Variants in STAB1 observed in about 807,000 individuals in gnomAD.
The protein encoded by STAB1 is stabilin 1.
A neutral mutation model predicts 332.4 loss-of-function variants in STAB1; 250 were observed. The observed-to-expected ratio is 0.75, with a 90% CI of 0.68 to 0.84. STAB1 has a LOEUF of 0.84. Ranked by LOEUF, STAB1 falls within the 40% of genes least tolerant of loss-of-function variation. The probability of loss-of-function intolerance (pLI) is 0.00; values close to 1 mark genes in which losing one functional copy is unlikely to be tolerated. For synonymous variants in STAB1, 1,475 were observed against 1,390.4 expected, an observed-to-expected ratio of 1.06 and a Z score of -1.35; for missense variants, 3,249 against 3,489.7, an observed-to-expected ratio of 0.93 and a Z score of 1.74.
In STAB1 at chr3:52,518,843, C is replaced by T. The variant is rs1317603178; in HGVS notation, c.5008C>T (p.His1670Tyr). 1 of 1,605,020 alleles carries T rather than the reference C, an allele frequency of 6.2e-7. No homozygotes were observed. The highest frequency in any genetic ancestry group is 1.3e-5 in the African/African-American group (1 of 74,790). Residue 1670 changes from histidine to tyrosine, a missense_variant, in exon 48 of 69, where the codon CAC (histidine) becomes TAC (tyrosine). Transcript: ENST00000321725. Reference protein sequence around the residue: ...EQGYATALSGHPLRFSEREGS... With the variant: ...EQGYATALSGYPLRFSEREGS... ...GGGGTACGCCACGGCCCTCTCAGGG[C>T]ACCCACTGCGCTTCAGCGAGAGGGA...
Position 52,511,658 on chromosome 3 carries a change from C to T in STAB1, c.2796C>T (p.Cys932=). The part of the protein sequence containing the change: ...CSYVGPGQSR[C]TCKLGFAGDG... The stretch of plus-strand genomic sequence containing the variant: ...GTTCCTAACCTTTCCAGAGCCGATG[C>T]ACCTGCAAGCTGGGCTTTGCCGGGG... The change falls in exon 26 of 69, where the codon TGC becomes TGT. Residue 932 remains cysteine, a synonymous_variant. Transcript: ENST00000321725. 6 of 1,610,042 alleles carry T rather than the reference C, an allele frequency of 3.7e-6. No individual in the cohort carries two copies. Among genetic ancestry groups the T allele is most frequent in the East Asian group, 2.2e-5 (1 of 44,818 alleles).
In STAB1 at chr3:52,498,434, G is replaced by A. The variant is rs181391313; in HGVS notation, c.79-2732G>A. On this transcript the variant is annotated intron_variant, in intron 1 of 68. Coordinates refer to ENST00000321725, the MANE Select transcript of STAB1 (RefSeq NM_015136.3). ...CGATGCTCCTTCCAGGCCATGGGGC[G>A]GAGGCAGGGCCCCTCGGCTGTGGTC... Among the ~76,000 whole-genome samples the A allele has an allele frequency of 4.1e-3, 629 of 152,346 alleles. 3 individuals are homozygous for A. The highest frequency in any genetic ancestry group is 0.022 in the South Asian group (106 of 4,832).
rs1276585577 is a variant in STAB1 at position 52,522,197 on chromosome 3, C to G, written c.6432C>G (p.Cys2144Trp). ...GCACAGATGGCCACCGCGGGGGCTG[C>G]AGCGAGCACGCCAACTGCTTGAGCA... ...NPCTDGHRGG[C>W]SEHANCLSTG... The change falls in exon 59 of 69, where the codon TGC becomes TGG. Residue 2144 changes from cysteine (C) to tryptophan (W), a missense_variant. By Grantham distance (215) the Cys-to-Trp change is radical. Coordinates refer to ENST00000321725, the MANE Select transcript of STAB1 (RefSeq NM_015136.3). The G allele has an allele frequency of 6.2e-7, 1 of 1,612,704 alleles. No homozygotes were observed. Among genetic ancestry groups the G allele is most frequent in the Non-Finnish European group, 8.5e-7 (1 of 1,179,950 alleles).
In STAB1 at chr3:52,519,248, C is replaced by T. The variant is rs762055511; in HGVS notation, c.5035-16C>T. 2.5e-6 allele frequency: 4 copies of T among 1,607,610 alleles called. No homozygotes were observed. Among genetic ancestry groups the T allele is most frequent in the Middle Eastern group, 1.7e-4 (1 of 6,006 alleles). ...CCCCACCTATCTGCTTCATCAGCCC[C>T]GTGCCCCGCCCCCAGGGCAGCATAT... On this transcript the variant is annotated splice_polypyrimidine_tract_variant and intron_variant, in intron 48 of 68. Coordinates refer to ENST00000321725, the MANE Select transcript of STAB1 (RefSeq NM_015136.3).
chr3:52,505,792 C>T lies in STAB1; in HGVS notation c.1695+11C>T, dbSNP rs749698720. On this transcript the variant is annotated intron_variant, in intron 15 of 68. Coordinates refer to ENST00000321725, the MANE Select transcript of STAB1 (RefSeq NM_015136.3). ...TACCTCTTCACAGCGGTAAGCTCAGCGGGAGAAGGGGCTGCGGGTATGGGG... is the reference window on the plus strand; with the variant it reads ...TACCTCTTCACAGCGGTAAGCTCAGTGGGAGAAGGGGCTGCGGGTATGGGG... 7.4e-6 allele frequency: 12 copies of T among 1,613,662 alleles called. No individual in the cohort carries two copies. Among genetic ancestry groups the T allele is most frequent in the African/African-American group, 6.7e-5 (5 of 74,926 alleles).
At position 52,519,362 on chromosome 3, in the gene STAB1, CG is replaced by C. The variant is rs2078994482; in HGVS notation, c.5134del (p.Glu1712ArgfsTer33). On this transcript the variant is annotated frameshift_variant, in exon 49 of 69. Transcript: ENST00000321725. LOFTEE classifies it high-confidence loss of function. ...HFIDRVLLPP[E>X]ALHWEPDDAP... Reference sequence around the variant, plus strand: ...TCATTGACCGTGTCCTGCTGCCCCCCGAGGCGCTGCACTGGGAGCCTGATGA... The same window carrying C: ...TCATTGACCGTGTCCTGCTGCCCCCCAGGCGCTGCACTGGGAGCCTGATGA... The C allele has an allele frequency of 6.2e-7, 1 of 1,613,120 alleles. No individual in the cohort carries two copies. Among genetic ancestry groups the C allele is most frequent in the Non-Finnish European group, 8.5e-7 (1 of 1,179,994 alleles).
At chr3:52,522,008 A>C (rs370156851) in intron 58 of STAB1, 29 bp from the exon 59 acceptor site, 91 of 1,611,208 alleles carry the variant, frequency 5.6e-5, no homozygotes, top group Non-Finnish European at 7.3e-5. Flanking sequence ...TGCAGTCACT[A>C]GGTCCAACCA....
At chr3:52,517,198 C>T (rs2078898429) in intron 42 of STAB1, 89 bp downstream of exon 42, 2 of 1,493,220 alleles carry the variant, frequency 1.3e-6, no homozygotes, top group African/African-American at 2.9e-5. Flanking sequence ...TGAAGGGGCA[C>T]ATGGGACTTG....
intron 50 of STAB1, 71 bp from the exon 51 acceptor site, chr3:52,519,873 A>G (rs2153234053): frequency 6.7e-7 from 1 of 1,492,522 alleles, no homozygotes; most frequent in African/African-American, 1.4e-5. Flanking sequence ...GCTCTGTGGC[A>G]CAGCCCCCTG....
chr3:52,519,837 T>C, intron 50 of STAB1, 107 bp from the exon 51 acceptor site: 1 of 1,360,006 alleles, frequency 7.4e-7, no homozygotes, highest in Non-Finnish European at 9.8e-7. Flanking sequence ...CACAGATGAG[T>C]GTGGGTGAGT....
Position 52,522,828 on chromosome 3 carries a change from C to T in STAB1, c.6798C>T (p.His2266=). Reference sequence around the variant, plus strand: ...GGCTGGCCAATGGCTCCACTGCCCACCCTGTGGTTTTCCCTGTGGCGGACT... The same window carrying T: ...GGCTGGCCAATGGCTCCACTGCCCATCCTGTGGTTTTCCCTGTGGCGGACT... ...MGWLANGSTA[H]PVVFPVADCG... is the part of the protein sequence containing the mutation. The change falls in exon 62 of 69, where the codon CAC becomes CAT. Residue 2266 remains histidine, a synonymous_variant. Transcript: ENST00000321725. 6.2e-7 allele frequency: 1 copy of T among 1,613,326 alleles called. No homozygotes were observed. Among genetic ancestry groups the T allele is most frequent in the Non-Finnish European group, 8.5e-7 (1 of 1,180,026 alleles).
chr3:52,500,435 C>G (rs905629478), intron 1 of STAB1, among the ~76,000 whole-genome samples: 34 of 152,274 alleles, frequency 2.2e-4, no homozygotes, highest in Non-Finnish European at 4.7e-4. Context: ...AGAGTCCCTG[C>G]ACACAGCTGC....
Position 52,509,255 on chromosome 3 carries a change from G to A in STAB1, c.2281G>A (p.Asp761Asn). ...CAATGGGGCCTGCCTCTGCTTCCCA[G>A]ACTACAAGGGCATCGCCTGCCACAT... ...QGNGACLCFP[D>N]YKGIACHICS... The change falls in exon 22 of 69, where the codon GAC (aspartate) becomes AAC (asparagine). Residue 761 changes from aspartate (D) to asparagine (N), a missense_variant. Transcript: ENST00000321725. The A allele has an allele frequency of 6.2e-7, 1 of 1,613,554 alleles. No homozygotes were observed. Among genetic ancestry groups the A allele is most frequent in the Admixed American group, 1.7e-5 (1 of 60,026 alleles).
In STAB1 at chr3:52,519,522, C is replaced by T. The variant is rs755572084; in HGVS notation, c.5193C>T (p.Ala1731=). 1.3e-5 allele frequency: 21 copies of T among 1,613,334 alleles called. No homozygotes were observed. The highest frequency in any genetic ancestry group is 7.7e-5 in the South Asian group (7 of 91,082). The part of the protein sequence containing the change: ...APIPRRNVTA[A]AQGFGYKIFS... ...TTCCTCAGAGAAATGTCACCGCCGC[C>T]GCCCAGGGCTTCGGTTACAAGATCT... Residue 1731 remains alanine (A), a synonymous_variant, in exon 50 of 69, where the codon GCC becomes GCT. Coordinates refer to ENST00000321725, the MANE Select transcript of STAB1 (RefSeq NM_015136.3).
rs1440209127 is a variant in STAB1, at chr3:52,520,479, T to TTA, written c.5579_5580insTA (p.Asp1861ThrfsTer24). 6.2e-7 allele frequency: 1 copy of TTA among 1,612,766 alleles called. No homozygotes were observed. The highest frequency in any genetic ancestry group is 1.3e-5 in the African/African-American group (1 of 75,080). On this transcript the variant is annotated frameshift_variant, in exon 53 of 69. Transcript: ENST00000321725. LOFTEE classifies it high-confidence loss of function. ...TTTGAGGGTGGCCTGGCCTATGGCA[T>TTA]CGACCAGCTGCTGGAGCCACCTGGC...
chr3:52,516,714 G>T lies in STAB1; in HGVS notation c.4309G>T (p.Ala1437Ser). 6.2e-7 allele frequency: 1 copy of T among 1,612,090 alleles called. No homozygotes were observed. The highest frequency in any genetic ancestry group is 2.2e-5 in the East Asian group (1 of 44,870). Residue 1437 changes from alanine (A) to serine (S), a missense_variant, in exon 41 of 69, where the codon GCC (alanine) becomes TCC (serine). Transcript: ENST00000321725. ...CAGCTGCGTGCAGGACTCGGCCGGA[G>T]CCTCCACCTGCGCCTGTGCTGCGGG... The part of the protein sequence containing the change: ...NANCVQDSAG[A>S]STCACAAGYS...
rs146574672 is a variant in STAB1, at chr3:52,506,114, G to A, written c.1750-56G>A. The stretch of plus-strand genomic sequence containing the variant: ...GTGAGCCTCCTGGGCAGGACTGGGC[G>A]TGGCCCCAAGGTATGGCCAGAGCCC... On this transcript the variant is annotated intron_variant, in intron 16 of 68. Coordinates refer to ENST00000321725, the MANE Select transcript of STAB1 (RefSeq NM_015136.3). 3.8e-5 allele frequency: 59 copies of A among 1,561,096 alleles called. No homozygotes were observed. In the Middle Eastern group the frequency reaches 5.0e-4, roughly 13 times the overall value.
In STAB1 at chr3:52,514,411, C is replaced by A. The variant is rs776898192; in HGVS notation, c.3593C>A (p.Ser1198Tyr). 1 of 1,553,708 alleles carries A rather than the reference C, an allele frequency of 6.4e-7. No homozygotes were observed. Among genetic ancestry groups the A allele is most frequent in the Non-Finnish European group, 8.7e-7 (1 of 1,149,428 alleles). The change falls in exon 34 of 69, where the codon TCC becomes TAC. Residue 1198 changes from serine (S) to tyrosine (Y), a missense_variant. Ser to Tyr is a moderately radical substitution (Grantham distance 144). Coordinates refer to ENST00000321725, the MANE Select transcript of STAB1 (RefSeq NM_015136.3). ...RHHVVLGEALSMETLRKGGHR... is the reference protein window; with the variant it reads ...RHHVVLGEALYMETLRKGGHR... ...CATGTGGTCCTGGGGGAGGCCCTCT[C>A]CATGGAAACCCTGCGGAAGGGTGGA...
intron 47 of STAB1, 45 bp from the exon 48 acceptor site, chr3:52,518,678 G>A: frequency 6.8e-6 from 11 of 1,611,988 alleles, no homozygotes; most frequent in Non-Finnish European, 9.3e-6. Flanking sequence ...TGCGTGGGCT[G>A]AGGCGGCAGT....
Sources: gnomAD v4.1 joint callset for allele counts (sites outside exome capture counted in the v4.1 genomes callset) on GRCh38, gnomAD v4.1.1 for gene constraint, MANE v1.5 for transcripts, NCBI Gene and HGNC (gene_info 2026-07-23, HGNC 2026-07-21) for gene names.